Variants in DNAAF11 observed in about 807,000 individuals in gnomAD.
The protein encoded by DNAAF11 is leucine rich repeat containing 6.
DNAAF11 carries 45 observed loss-of-function variants against 60.8 expected under a neutral mutation model. That is an observed-to-expected ratio of 0.74 (90% CI 0.58 to 0.95). The LOEUF (loss-of-function observed/expected upper bound fraction) is 0.95, where lower values mean the gene tolerates loss of function less well. Ranked by LOEUF, DNAAF11 falls within the 40% of genes least tolerant of loss-of-function variation. The probability of loss-of-function intolerance (pLI) is 0.00; values close to 1 mark genes in which losing one functional copy is unlikely to be tolerated. For synonymous variants in DNAAF11, 191 were observed against 183.5 expected, an observed-to-expected ratio of 1.04 and a Z score of -0.33; for missense variants, 546 against 546.2, an observed-to-expected ratio of 1.00 and a Z score of 0.00.
chr8:132,620,878 C>T (rs183273804), intron 7 of DNAAF11, among the ~76,000 whole-genome samples: 8 of 152,212 alleles, frequency 5.3e-5, no homozygotes, highest in Admixed American at 2.0e-4. Flanking sequence ...AAAATGAAAT[C>T]GTGTGGCTGA....
At chr8:132,599,032 C>A (rs1187922515) in intron 10 of DNAAF11, among the ~76,000 whole-genome samples, 1 of 151,984 alleles carries the variant, frequency 6.6e-6, no homozygotes, top group Non-Finnish European at 1.5e-5. Flanking sequence ...GCTAGCAACA[C>A]TAATACAGAA....
In DNAAF11 at chr8:132,632,878, TG is replaced by T; in HGVS notation, c.514del (p.Gln172ArgfsTer50). 1 of 1,613,926 alleles carries T rather than the reference TG, an allele frequency of 6.2e-7. No individual in the cohort carries two copies. Among genetic ancestry groups the T allele is most frequent in the Non-Finnish European group, 8.5e-7 (1 of 1,179,832 alleles). ...YSVIEPQIRE[Q>X]EKDHCLKRAK... ...TCGTTTAAGACAGTGATCTTTTTCC[TG>T]CTCTCTGATTTGTGGTTCAATTACT... On this transcript the variant is annotated frameshift_variant, in exon 5 of 12. Coordinates refer to ENST00000620350, the MANE Select transcript of DNAAF11 (RefSeq NM_012472.6). LOFTEE classifies it high-confidence loss of function.
At chr8:132,628,871 G>A (rs936510117) in intron 5 of DNAAF11, among the ~76,000 whole-genome samples, 1 of 152,062 alleles carries the variant, frequency 6.6e-6, no homozygotes, top group African/African-American at 2.4e-5. Context: ...TATAAACCAA[G>A]GATAGTAAAT....
At chr8:132,574,591 C>G (rs980393747) in intron 11 of DNAAF11, among the ~76,000 whole-genome samples, 4 of 152,216 alleles carry the variant, frequency 2.6e-5, no homozygotes, top group Admixed American at 6.5e-5. Flanking sequence ...TTGCACCTGG[C>G]TTTTTCTGGA....
At chr8:132,642,567 G>A (rs945562958) in intron 3 of DNAAF11, among the ~76,000 whole-genome samples, 1 of 152,222 alleles carries the variant, frequency 6.6e-6, no homozygotes. Context: ...GCCAGATCAA[G>A]TGTCTGGCTA....
intron 3 of DNAAF11, among the ~76,000 whole-genome samples, chr8:132,639,374 T>C (rs1387889161): frequency 6.6e-6 from 1 of 152,206 alleles, no homozygotes; most frequent in Non-Finnish European, 1.5e-5. Context: ...ATACCCCAGG[T>C]CCACCTTGTT....
upstream of DNAAF11, among the ~76,000 whole-genome samples, chr8:132,677,663 G>C (rs1300644033): frequency 6.6e-6 from 1 of 152,000 alleles, no homozygotes; most frequent in African/African-American, 2.4e-5. Context: ...AGTACTGCTT[G>C]AGCCCAGGAG....
intron 3 of DNAAF11, among the ~76,000 whole-genome samples, chr8:132,646,544 A>G (rs1180609961): frequency 6.6e-6 from 1 of 152,232 alleles, no homozygotes; most frequent in Non-Finnish European, 1.5e-5. Flanking sequence ...AGACTGGCAA[A>G]TTGGATAAAG....
chr8:132,587,169 G>A (rs1815994102), intron 10 of DNAAF11, among the ~76,000 whole-genome samples: 1 of 152,070 alleles, frequency 6.6e-6, no homozygotes, highest in Non-Finnish European at 1.5e-5. Flanking sequence ...AAGACTCTGT[G>A]TTTATGGAAA....
the DNAAF11 span, among the ~76,000 whole-genome samples, chr8:132,686,057 G>A: frequency 1.3e-5 from 2 of 152,240 alleles, no homozygotes; most frequent in Admixed American, 6.5e-5. Context: ...CACAAGAAAA[G>A]ACTGAAGATG....
chr8:132,687,612 C>T, the DNAAF11 span: 1 of 456,182 alleles, frequency 2.2e-6, no homozygotes, highest in South Asian at 1.5e-5. Context: ...CCTGTGCATT[C>T]TCCTGTTTAA....
chr8:132,615,244 CA>C, intron 7 of DNAAF11, 147 bp from the exon 8 acceptor site: 1 of 497,122 alleles, frequency 2.0e-6, no homozygotes. Flanking sequence ...AATCAAATAT[CA>C]ACGGTAATTT....
chr8:132,670,251 A>G (rs551429717), intron 1 of DNAAF11, among the ~76,000 whole-genome samples: 6 of 152,316 alleles, frequency 3.9e-5, no homozygotes, highest in Admixed American at 2.0e-4. Flanking sequence ...GTAAACTTTC[A>G]GTCAGACTTA....
In DNAAF11 at chr8:132,570,498, A is replaced by T. The variant is rs535189851; in HGVS notation, c.*1808T>A. 1.3e-5 allele frequency among the ~76,000 whole-genome samples: 2 copies of T among 152,204 alleles called. No individual in the cohort carries two copies. The highest frequency in any genetic ancestry group is 4.8e-5 in the African/African-American group (2 of 41,448). On this transcript the variant is annotated 3_prime_UTR_variant, in exon 12 of 12. Coordinates refer to ENST00000620350, the MANE Select transcript of DNAAF11 (RefSeq NM_012472.6). ...TTGCTTTCTCTCTATGTGGAAATTA[A>T]ATACAGTCCTGACAAATGTACATGA...
At chr8:132,620,697 G>A (rs1451832898) in intron 7 of DNAAF11, among the ~76,000 whole-genome samples, 2 of 152,218 alleles carry the variant, frequency 1.3e-5, no homozygotes, top group Non-Finnish European at 2.9e-5. Context: ...TGAGGGGTTA[G>A]GGTACAGTAA....
chr8:132,611,394 T>A, intron 8 of DNAAF11, 31 bp from the exon 9 acceptor site: 1 of 1,300,028 alleles, frequency 7.7e-7, no homozygotes, highest in Non-Finnish European at 1.1e-6. Flanking sequence ...AATCTTATAA[T>A]TTTAAAAAAT....
At chr8:132,677,337 G>A (rs1415419999), upstream of DNAAF11, among the ~76,000 whole-genome samples, 1 of 152,126 alleles carries the variant, frequency 6.6e-6, no homozygotes, top group African/African-American at 2.4e-5. Flanking sequence ...ATGAGGTCAG[G>A]CCTACTATAA....
intron 5 of DNAAF11, among the ~76,000 whole-genome samples, chr8:132,628,286 C>T (rs944428903): frequency 7.2e-5 from 11 of 152,142 alleles, no homozygotes; most frequent in Non-Finnish European, 1.3e-4. Flanking sequence ...GTGGCACACA[C>T]CTGTAATCCC....
At chr8:132,576,666 T>C (rs1451479188) in intron 11 of DNAAF11, among the ~76,000 whole-genome samples, 4 of 152,190 alleles carry the variant, frequency 2.6e-5, no homozygotes, top group African/African-American at 9.7e-5. Context: ...GAAATGCTCA[T>C]TGGAGCACTT....
Sources: gnomAD v4.1 joint callset for allele counts (sites outside exome capture counted in the v4.1 genomes callset) on GRCh38, gnomAD v4.1.1 for gene constraint, MANE v1.5 for transcripts, NCBI Gene and HGNC (gene_info 2026-07-23, HGNC 2026-07-21) for gene names.